Variants in GRAMD1B observed in about 807,000 individuals in gnomAD.
GRAMD1B encodes the protein protein Aster-B.
In GRAMD1B, 37 loss-of-function variants were observed where a neutral mutation model predicts 99.7. That is an observed-to-expected ratio of 0.37 (90% CI 0.29 to 0.49). The LOEUF (loss-of-function observed/expected upper bound fraction) is 0.49, where lower values mean the gene tolerates loss of function less well. Among genes scored for constraint, GRAMD1B ranks in the 20% least tolerant of loss-of-function variants. GRAMD1B has a pLI of 0.98. For missense variants in GRAMD1B, 888 were observed against 1,009.2 expected (o/e 0.88, Z 1.63); for synonymous variants, 427 against 387.6 (o/e 1.10, Z -1.19).
At chr11:123,480,221 T>A (rs1951516332) in intron 1 of GRAMD1B, among the ~76,000 whole-genome samples, 1 of 152,182 alleles carries the variant, frequency 6.6e-6, no homozygotes, top group African/African-American at 2.4e-5. Flanking sequence ...GTCCACCCTT[T>A]ATTCCTTCTT....
rs767104181 is a variant in GRAMD1B at position 123,449,714 on chromosome 11, C to CTTTTTTTTTTTTTTT, written c.374+18551_374+18565dup. On this transcript the variant is annotated intron_variant, in intron 1 of 19. Transcript: ENST00000635736. ...TGCAGATGCATGCCACCATGCCTGG[C>CTTTTTTTTTTTTTTT]TTTTTTTTTTTTTTTTTGAGACAGG... 9.9e-4 allele frequency among the ~76,000 whole-genome samples: 99 copies of CTTTTTTTTTTTTTTT among 99,938 alleles called. 10 individuals carry two copies. Among genetic ancestry groups the CTTTTTTTTTTTTTTT allele is most frequent in the African/African-American group, 2.3e-3 (59 of 25,530 alleles). 65.6% of individuals were successfully genotyped at this position (99,938 alleles called of 152,430 possible). A position where few individuals can be genotyped will look rare whatever the true frequency, so the allele number is the denominator to read the frequency against.
rs1285118690 is a variant in GRAMD1B, at chr11:123,624,240, GC to G, written c.*1648del. 1.3e-5 allele frequency: 2 copies of G among 152,182 alleles called. No homozygotes were observed. Among genetic ancestry groups the G allele is most frequent in the African/African-American group, 4.8e-5 (2 of 41,440 alleles). The allele number at this position is 152,182 out of a possible 1,614,324, so 9.4% of individuals were successfully genotyped here. ...ATGTCCCAGATGTCCCAGAACATCA[GC>G]CCAAAAGACAGAAGATTTTATCACT... On this transcript the variant is annotated 3_prime_UTR_variant, in exon 20 of 20. Transcript: ENST00000635736.
At chr11:123,457,125 G>GAAAGAAAGAAAGAAAGAAAGAAAA (rs1950183940) in intron 1 of GRAMD1B, among the ~76,000 whole-genome samples, 1 of 149,474 alleles carries the variant, frequency 6.7e-6, no homozygotes, top group Admixed American at 6.8e-5. Context: ...AAAAAAGAAA[G>GAAAGAAAGAAAGAAAGAAAGAAAA]AAAGAAAGAA....
chr11:123,581,883 A>G (rs1246593056), intron 3 of GRAMD1B, among the ~76,000 whole-genome samples: 6 of 152,208 alleles, frequency 3.9e-5, no homozygotes, highest in Non-Finnish European at 5.9e-5. Context: ...ATGCAAAGGG[A>G]CCATCTGCTT....
chr11:123,463,626 G>A (rs1467003662), intron 1 of GRAMD1B, among the ~76,000 whole-genome samples: 1 of 152,194 alleles, frequency 6.6e-6, no homozygotes, highest in African/African-American at 2.4e-5. Context: ...TTAGTCCTAT[G>A]GCTCAAAGGA....
chr11:123,521,590 T>A (rs1255082612), intron 2 of GRAMD1B, among the ~76,000 whole-genome samples: 3 of 152,234 alleles, frequency 2.0e-5, no homozygotes, highest in African/African-American at 7.2e-5. Flanking sequence ...GTCAGTTGTT[T>A]AGGAAACTCT....
At chr11:123,527,521 C>T (rs1218845837) in intron 2 of GRAMD1B, among the ~76,000 whole-genome samples, 1 of 152,148 alleles carries the variant, frequency 6.6e-6, no homozygotes, top group African/African-American at 2.4e-5. Flanking sequence ...GCTTTGCTAT[C>T]CCTCTCTCTT....
intron 1 of GRAMD1B, among the ~76,000 whole-genome samples, chr11:123,402,309 G>A (rs926758974): frequency 6.6e-6 from 1 of 152,122 alleles, no homozygotes; most frequent in South Asian, 2.1e-4. Context: ...GAGCCACCAC[G>A]CCCGGCCAAG....
At chr11:123,507,224 T>C (rs1940522676) in intron 2 of GRAMD1B, among the ~76,000 whole-genome samples, 1 of 152,176 alleles carries the variant, frequency 6.6e-6, no homozygotes, top group Non-Finnish European at 1.5e-5. Flanking sequence ...GAAGAAACAT[T>C]ACAGGCCTCT....
intron 1 of GRAMD1B, among the ~76,000 whole-genome samples, chr11:123,398,134 G>A (rs1947532910): frequency 1.3e-5 from 2 of 152,192 alleles, no homozygotes; most frequent in African/African-American, 4.8e-5. Context: ...GTAAATGTAT[G>A]TTTGAAAAAC....
rs374636800 is a variant in GRAMD1B at position 123,455,721 on chromosome 11, ATCT to A, written c.374+24560_374+24562del. Among the ~76,000 whole-genome samples, 24 of 151,796 alleles carry A rather than the reference ATCT, an allele frequency of 1.6e-4. No homozygotes were observed. The East Asian group carries it at 2.9e-3, about 18-fold the overall frequency. ...AACACTTTGTACTTCTGAAATTATCATCTTCTTTTATTTTTCTCTGTTGATGAT... is the reference window on the plus strand; with the variant it reads ...AACACTTTGTACTTCTGAAATTATCATCTTTTATTTTTCTCTGTTGATGAT... On this transcript the variant is annotated intron_variant, in intron 1 of 19. Coordinates refer to ENST00000635736, the MANE Select transcript of GRAMD1B (RefSeq NM_001387025.1).
chr11:123,420,777 T>C (rs1483760409), intron 1 of GRAMD1B, among the ~76,000 whole-genome samples: 1 of 152,240 alleles, frequency 6.6e-6, no homozygotes, highest in Non-Finnish European at 1.5e-5. Flanking sequence ...GGATTCAGAA[T>C]ACCTGGGTTT....
chr11:123,444,501 A>C (rs1949549602), intron 1 of GRAMD1B, among the ~76,000 whole-genome samples: 1 of 152,092 alleles, frequency 6.6e-6, no homozygotes, highest in Non-Finnish European at 1.5e-5. Flanking sequence ...TTTTCATGTT[A>C]AAGCTGGTCA....
At chr11:123,438,062 C>G (rs1257971364) in intron 1 of GRAMD1B, among the ~76,000 whole-genome samples, 1 of 152,200 alleles carries the variant, frequency 6.6e-6, no homozygotes, top group African/African-American at 2.4e-5. Flanking sequence ...GTGATCGGTG[C>G]TGGATAGGGT....
intron 1 of GRAMD1B, chr11:123,459,024 A>T (rs1320515211): frequency 6.6e-6 from 1 of 152,182 alleles, no homozygotes; most frequent in African/African-American, 2.4e-5. Flanking sequence ...AGACAATCAC[A>T]GACACAATGG....
chr11:123,468,765 C>T (rs75134655), intron 1 of GRAMD1B, among the ~76,000 whole-genome samples: 2,392 of 137,464 alleles, frequency 0.017, 55 homozygotes, highest in African/African-American at 0.062. Context: ...CCACTGCATC[C>T]AGCCAGGGTG....
At chr11:123,549,018 C>G (rs936226184) in intron 2 of GRAMD1B, among the ~76,000 whole-genome samples, 2 of 152,178 alleles carry the variant, frequency 1.3e-5, no homozygotes, top group African/African-American at 4.8e-5. Flanking sequence ...AGCTGTTCTT[C>G]TCTGAAGAGG....
intron 1 of GRAMD1B, among the ~76,000 whole-genome samples, chr11:123,444,884 T>C (rs1949568491): frequency 6.6e-6 from 1 of 152,168 alleles, no homozygotes; most frequent in Non-Finnish European, 1.5e-5. Flanking sequence ...AGATCCAACC[T>C]TCTAATCCTC....
chr11:123,416,600 A>G (rs1415796404), intron 1 of GRAMD1B, among the ~76,000 whole-genome samples: 2 of 152,198 alleles, frequency 1.3e-5, no homozygotes, highest in African/African-American at 2.4e-5. Flanking sequence ...TGATAATTGG[A>G]TTTCATAAAT....
Sources: allele counts gnomAD v4.1 joint callset (sites outside exome capture counted in the v4.1 genomes callset), GRCh38; gene constraint gnomAD v4.1.1; transcripts MANE v1.5; gene names NCBI Gene and HGNC (gene_info 2026-07-23, HGNC 2026-07-21).